SPATA6: variants seen among roughly 807,000 people sequenced by gnomAD.
The protein encoded by SPATA6 is spermatogenesis associated 6.
A neutral mutation model predicts 65.3 loss-of-function variants in SPATA6; 56 were observed. The observed-to-expected ratio is 0.86, with a 90% CI of 0.69 to 1.07. The LOEUF is 1.07. Among genes scored for constraint, SPATA6 ranks in the 50% least tolerant of loss-of-function variants. SPATA6 has a pLI of 0.00. For missense variants in SPATA6, 590 were observed against 594.8 expected (o/e 0.99, Z 0.08); for synonymous variants, 199 against 213.2 (o/e 0.93, Z 0.58).
At chr1:48,415,812 C>T (rs1197138729) in intron 3 of SPATA6, among the ~76,000 whole-genome samples, 2 of 151,304 alleles carry the variant, frequency 1.3e-5, no homozygotes, top group East Asian at 1.9e-4. Context: ...GATGCCAAAC[C>T]AAAATACAGG....
chr1:48,432,130 T>TA (rs1017944883), intron 3 of SPATA6, among the ~76,000 whole-genome samples: 216 of 151,642 alleles, frequency 1.4e-3, no homozygotes, highest in African/African-American at 4.9e-3. Flanking sequence ...AAATAAATAA[T>TA]AAAAAAGACC....
chr1:48,453,297 T>C (rs1656744797), intron 1 of SPATA6, among the ~76,000 whole-genome samples, 166 bp from the exon 2 acceptor site: 2 of 152,194 alleles, frequency 1.3e-5, no homozygotes, highest in South Asian at 2.1e-4. Flanking sequence ...CAGAGTTAAA[T>C]GAAATGCTTT....
At chr1:48,418,733 C>G (rs1392418162) in intron 3 of SPATA6, among the ~76,000 whole-genome samples, 1 of 133,048 alleles carries the variant, frequency 7.5e-6, no homozygotes, top group East Asian at 2.2e-4. Flanking sequence ...AGCAAGAAAG[C>G]AAGAGAGGAA....
intron 11 of SPATA6, among the ~76,000 whole-genome samples, chr1:48,313,674 G>A (rs12057714): frequency 2.6e-5 from 4 of 152,064 alleles, no homozygotes; most frequent in African/African-American, 9.7e-5. Flanking sequence ...ATAATGACAG[G>A]ATCAAATTCA....
At chr1:48,436,074 C>T in intron 3 of SPATA6, 10 of 1,609,784 alleles carry the variant, frequency 6.2e-6, no homozygotes, top group Non-Finnish European at 8.5e-6. Flanking sequence ...ATGAGCCAAC[C>T]CTTTCCTGGT....
Position 48,472,023 on chromosome 1 carries a change from G to C in SPATA6, c.-15C>G. ...ACCTTCGGCATCCGTGCGGGGAGGG[G>C]CGGCGGGGAGTGACCCCGGCCACGG... On this transcript the variant is annotated 5_prime_UTR_variant, in exon 1 of 13. Transcript: ENST00000371847. 4 of 1,526,766 alleles carry C rather than the reference G, an allele frequency of 2.6e-6. No homozygotes were observed. Among genetic ancestry groups the C allele is most frequent in the Non-Finnish European group, 3.5e-6 (4 of 1,141,346 alleles). 94.6% of individuals were successfully genotyped at this position (1,526,766 alleles called of 1,614,324 possible).
At chr1:48,415,833 A>T (rs1652723064) in intron 3 of SPATA6, among the ~76,000 whole-genome samples, 1 of 152,166 alleles carries the variant, frequency 6.6e-6, no homozygotes, top group African/African-American at 2.4e-5. Flanking sequence ...AAGGTCAGAG[A>T]AGAGCAAGGA....
chr1:48,355,646 C>CAA, intron 11 of SPATA6, 24 bp downstream of exon 11: 76 of 1,553,336 alleles, frequency 4.9e-5, no homozygotes, highest in Middle Eastern at 1.8e-4. Context: ...AAATAGTCTT[C>CAA]AAAAAAAAAT....
At chr1:48,418,538 T>C in intron 3 of SPATA6, among the ~76,000 whole-genome samples, 1 of 51,712 alleles carries the variant, frequency 1.9e-5, no homozygotes, top group African/African-American at 8.1e-5. Flanking sequence ...CAAGAACCCA[T>C]CCCTACAAAA....
At chr1:48,337,259 T>C (rs1187731867) in intron 11 of SPATA6, among the ~76,000 whole-genome samples, 1 of 151,896 alleles carries the variant, frequency 6.6e-6, no homozygotes, top group Non-Finnish European at 1.5e-5. Context: ...AGTGATTTGC[T>C]ATATTAAAAT....
chr1:48,462,613 T>C (rs1657530557), intron 1 of SPATA6, among the ~76,000 whole-genome samples: 1 of 152,160 alleles, frequency 6.6e-6, no homozygotes, highest in Non-Finnish European at 1.5e-5. Flanking sequence ...GTAAGTAAGA[T>C]TGGTGTGATA....
At chr1:48,273,844 T>C in the SPATA6 span, among the ~76,000 whole-genome samples, 2 of 152,204 alleles carry the variant, frequency 1.3e-5, no homozygotes, top group Admixed American at 6.5e-5. Context: ...TTATAATCCT[T>C]TGGGCCTGTG....
At chr1:48,356,258 T>A (rs1395994008) in intron 10 of SPATA6, among the ~76,000 whole-genome samples, 1 of 152,058 alleles carries the variant, frequency 6.6e-6, no homozygotes, top group Admixed American at 6.6e-5. Context: ...TTGAAAAATA[T>A]AACTTTATTA....
At chr1:48,407,633 A>G (rs923965232) in intron 5 of SPATA6, among the ~76,000 whole-genome samples, 1 of 152,196 alleles carries the variant, frequency 6.6e-6, no homozygotes, top group Admixed American at 6.5e-5. Flanking sequence ...TAGTCTCGCC[A>G]GTTTTTCCCA....
At position 48,359,614 on chromosome 1, in the gene SPATA6, C is replaced by T. The variant is rs780212549; in HGVS notation, c.1066G>A (p.Val356Met). 1 of 1,613,422 alleles carries T rather than the reference C, an allele frequency of 6.2e-7. No individual in the cohort carries two copies. Among genetic ancestry groups the T allele is most frequent in the Non-Finnish European group, 8.5e-7 (1 of 1,179,544 alleles). Residue 356 changes from valine (V) to methionine (M), a missense_variant, in exon 10 of 13, where the codon GTG becomes ATG. By Grantham distance (21) the Val-to-Met change is conservative (BLOSUM62 1). Coordinates refer to ENST00000371847, the MANE Select transcript of SPATA6 (RefSeq NM_019073.4). ...STMPKHSPSP[V>M]LNRASLRERF... ...TCCCTGAGAGAAGCTCTATTTAACA[C>T]AGGGCTTGGAGAATGCTTTGGCATT...
intron 9 of SPATA6, 37 bp downstream of exon 9, chr1:48,385,272 C>A (rs1570406547): frequency 1.3e-6 from 2 of 1,561,206 alleles, no homozygotes; most frequent in Admixed American, 2.0e-5. Flanking sequence ...TGTCTGAAAG[C>A]CAGAACAATT....
chr1:48,433,418 A>C (rs1460936354), intron 3 of SPATA6, among the ~76,000 whole-genome samples: 1 of 152,166 alleles, frequency 6.6e-6, no homozygotes, highest in African/African-American at 2.4e-5. Flanking sequence ...ATCTACTGGA[A>C]CATACAATAT....
intron 11 of SPATA6, among the ~76,000 whole-genome samples, chr1:48,329,971 A>C (rs1389712770): frequency 6.6e-6 from 1 of 152,210 alleles, no homozygotes; most frequent in Non-Finnish European, 1.5e-5. Flanking sequence ...TTCTGAGTCC[A>C]AGAGGACTGC....
In SPATA6 at chr1:48,340,508, G is replaced by A. The variant is rs976020654; in HGVS notation, c.1194+15162C>T. Among the ~76,000 whole-genome samples, 17 of 147,040 alleles carry A rather than the reference G, an allele frequency of 1.2e-4. 1 individual carries two copies. The highest frequency in any genetic ancestry group is 9.4e-4 in the Admixed American group (14 of 14,820). ...CTAATCTAGAATTATCAAAAAATTG[G>A]TAAAAAAAATTGTATTAGACTATAA... On this transcript the variant is annotated intron_variant, in intron 11 of 12. Transcript: ENST00000371847.
Sources: allele counts gnomAD v4.1 joint callset (sites outside exome capture counted in the v4.1 genomes callset), GRCh38; gene constraint gnomAD v4.1.1; transcripts MANE v1.5; gene names NCBI Gene and HGNC (gene_info 2026-07-23, HGNC 2026-07-21).